CD63: variants seen among roughly 807,000 people sequenced by gnomAD.
CD63 encodes CD63 antigen.
In CD63, 16 loss-of-function variants were observed where a neutral mutation model predicts 29.2. The observed-to-expected ratio is 0.55, with a 90% CI of 0.37 to 0.83. The LOEUF (loss-of-function observed/expected upper bound fraction) is 0.83, where lower values mean the gene tolerates loss of function less well. Among genes scored for constraint, CD63 ranks in the 40% least tolerant of loss-of-function variants. CD63 has a pLI of 0.00. For missense variants in CD63, 251 were observed against 297.3 expected, an observed-to-expected ratio of 0.84 and a Z score of 1.15; for synonymous variants, 118 against 111.7, an observed-to-expected ratio of 1.06 and a Z score of -0.36.
In CD63 at chr12:55,727,049, C is replaced by A; in HGVS notation, c.256-85G>T. 3.2e-6 allele frequency: 5 copies of A among 1,568,154 alleles called. No homozygotes were observed. In the South Asian group the frequency reaches 4.5e-5, roughly 14 times the overall value. ...GGCACAGCCGGTCCCTGGACACTCA[C>A]AAAGGTCTTCCTCACCCACCCACCT... is the stretch of plus-strand genomic sequence containing the variant. On this transcript the variant is annotated intron_variant, in intron 3 of 7. Coordinates refer to ENST00000257857, the MANE Select transcript of CD63 (RefSeq NM_001780.6).
At chr12:55,726,420 C>T in intron 5 of CD63, 159 bp from the exon 6 acceptor site, 4 of 676,512 alleles carry the variant, frequency 5.9e-6, no homozygotes, top group African/African-American at 3.8e-5. Flanking sequence ...TCTCGGCTCA[C>T]TGCAACCTCC....
chr12:55,726,422 G>A (rs1877368584), intron 5 of CD63, 161 bp from the exon 6 acceptor site: 4 of 660,510 alleles, frequency 6.1e-6, no homozygotes, highest in Non-Finnish European at 9.7e-6. Context: ...TCGGCTCACT[G>A]CAACCTCCGC....
intron 2 of CD63, chr12:55,727,571 A>T: frequency 7.8e-7 from 1 of 1,277,472 alleles, no homozygotes. Flanking sequence ...AAATTCAAAA[A>T]CCTCCCAGAA....
chr12:55,728,576 G>A lies in CD63; in HGVS notation c.-11-224C>T. ...CCGGACCCCGCCCCGCCGCCTCTGGGGCCCAGGACAGATCCAAGGGCGCCG... is the reference window on the plus strand; with the variant it reads ...CCGGACCCCGCCCCGCCGCCTCTGGAGCCCAGGACAGATCCAAGGGCGCCG... On this transcript the variant is annotated intron_variant, in intron 1 of 7. Transcript: ENST00000257857. The surrounding 1 kb of genome is among the most constrained non-coding windows in gnomAD (Gnocchi z 4.8). 7.1e-7 allele frequency: 1 copy of A among 1,404,196 alleles called. No individual in the cohort carries two copies. Among genetic ancestry groups the A allele is most frequent in the African/African-American group, 1.5e-5 (1 of 68,616 alleles). The allele number at this position is 1,404,196 out of a possible 1,614,324, so 87.0% of individuals were successfully genotyped here.
Position 55,726,793 on chromosome 12 carries a change from C to T in CD63, c.333G>A (p.Val111=), listed in dbSNP as rs760344386. 1 of 1,613,252 alleles carries T rather than the reference C, an allele frequency of 6.2e-7. No individual in the cohort carries two copies. Among genetic ancestry groups the T allele is most frequent in the Non-Finnish European group, 8.5e-7 (1 of 1,179,168 alleles). Residue 111 remains valine, a splice_region_variant and synonymous_variant, in exon 5 of 8, where the codon GTG becomes GTA. Transcript: ENST00000257857. Reference sequence around the variant, plus strand: ...GGAAGTTGTTATTAAACTCTGACATCACCTGAGAGTACGGAGGAGCACTGT... The same window carrying T: ...GGAAGTTGTTATTAAACTCTGACATTACCTGAGAGTACGGAGGAGCACTGT... ...AIAGYVFRDK[V]MSEFNNNFRQ...
rs994190722 is a variant in CD63, at chr12:55,726,769, G to A, written c.357C>T (p.Phe119=). 6.2e-7 allele frequency: 1 copy of A among 1,613,938 alleles called. No individual in the cohort carries two copies. The highest frequency in any genetic ancestry group is 8.5e-7 in the Non-Finnish European group (1 of 1,179,966). ...DKVMSEFNNN[F]RQQMENYPKN... ...TCGGGTAATTCTCCATCTGCTGCCG[G>A]AAGTTGTTATTAAACTCTGACATCA... Residue 119 remains phenylalanine (F), a synonymous_variant, in exon 5 of 8, where the codon TTC becomes TTT. Coordinates refer to ENST00000257857, the MANE Select transcript of CD63 (RefSeq NM_001780.6).
rs950898505 is a variant in CD63 at position 55,727,737 on chromosome 12, G to C, written c.67-398C>G. Reference sequence around the variant, plus strand: ...GCTGTGACTAAGGTTCCTCTGGCCAGTTAGGCCAGGAGAAGGGAAGAGGAA... The same window carrying C: ...GCTGTGACTAAGGTTCCTCTGGCCACTTAGGCCAGGAGAAGGGAAGAGGAA... On this transcript the variant is annotated intron_variant, in intron 2 of 7. Coordinates refer to ENST00000257857, the MANE Select transcript of CD63 (RefSeq NM_001780.6). 13 of 1,035,328 alleles carry C rather than the reference G, an allele frequency of 1.3e-5. No individual in the cohort carries two copies. In the Admixed American group the frequency reaches 5.1e-4, roughly 41 times the overall value. 64.1% of individuals were successfully genotyped at this position (1,035,328 alleles called of 1,614,324 possible).
Position 55,726,746 on chromosome 12 carries a change from G to C in CD63, c.380C>G (p.Pro127Arg), listed in dbSNP as rs781725798. Residue 127 changes from proline (P) to arginine (R), a missense_variant, in exon 5 of 8, where the codon CCG (proline) becomes CGG (arginine). Transcript: ENST00000257857. ...NNFRQQMENY[P>R]KNNHTASILD... is the part of the protein sequence containing the mutation. ...GATCGAAGCAGTGTGGTTGTTTTTC[G>C]GGTAATTCTCCATCTGCTGCCGGAA... 1.2e-6 allele frequency: 2 copies of C among 1,614,036 alleles called. No individual in the cohort carries two copies. The highest frequency in any genetic ancestry group is 1.3e-5 in the African/African-American group (1 of 74,998).
chr12:55,726,400 G>C, intron 5 of CD63, 139 bp from the exon 6 acceptor site: 1 of 806,078 alleles, frequency 1.2e-6, no homozygotes. Context: ...AGTGCCCAGC[G>C]GTGGCTCAAT....
intron 6 of CD63, 88 bp downstream of exon 6, chr12:55,726,033 C>T: frequency 6.5e-6 from 10 of 1,538,684 alleles, no homozygotes; most frequent in Non-Finnish European, 8.1e-6. Flanking sequence ...CCTCCCCATC[C>T]CTGACCCTGT....
rs749396682 is a variant in CD63, at chr12:55,727,258, CA to C, written c.147del (p.Gly50AlafsTer34). On this transcript the variant is annotated frameshift_variant, in exon 3 of 8. Transcript: ENST00000257857. LOFTEE classifies it high-confidence loss of function. ...LSQTIIQGAT[P>X]GSLLPVVIIA... The stretch of plus-strand genomic sequence containing the variant: ...ATGATGACCACTGGCAACAGAGAGC[CA>C]GGGGTAGCCCCCTGGATTATGGTCT... 1.1e-5 allele frequency: 17 copies of C among 1,613,892 alleles called. No homozygotes were observed. The highest frequency in any genetic ancestry group is 1.4e-5 in the Non-Finnish European group (17 of 1,180,008).
chr12:55,729,707 C>A (rs1877788475), upstream of CD63: 2 of 152,388 alleles, frequency 1.3e-5, no homozygotes, highest in Non-Finnish European at 2.9e-5. Context: ...CCCGAAGCCA[C>A]GCTACCCAGT....
chr12:55,729,402 G>A (rs574051616), upstream of CD63: 51 of 153,260 alleles, frequency 3.3e-4, no homozygotes, highest in Non-Finnish European at 5.4e-4. Context: ...AGCTGAGGCC[G>A]GGTGACAATG....
In CD63 at chr12:55,728,486, C is replaced by T. The variant is rs1877669376; in HGVS notation, c.-11-134G>A. 3 of 1,488,062 alleles carry T rather than the reference C, an allele frequency of 2.0e-6. No homozygotes were observed. Among genetic ancestry groups the T allele is most frequent in the African/African-American group, 2.8e-5 (2 of 71,960 alleles). The allele number at this position is 1,488,062 out of a possible 1,614,324, so 92.2% of individuals were successfully genotyped here. ...CCCCTCCCACCCGGAAACCCGCGGT[C>T]GGATCCACGTCTCCCAGCCCCCTCT... On this transcript the variant is annotated intron_variant, in intron 1 of 7. Transcript: ENST00000257857. This position sits in a 1 kb window ranked among gnomAD's most constrained non-coding sequence, Gnocchi z 4.8.
chr12:55,724,333 C>G (rs903282271), downstream of CD63: 1 of 1,614,176 alleles, frequency 6.2e-7, no homozygotes, highest in East Asian at 2.2e-5. Flanking sequence ...CCTGAAAATG[C>G]AACAGCGCAT....
Position 55,729,000 on chromosome 12 carries a change from G to T in CD63, c.-59C>A. The T allele has an allele frequency of 1.0e-6, 1 of 985,360 alleles. No homozygotes were observed. Among genetic ancestry groups the T allele is most frequent in the Non-Finnish European group, 1.2e-6 (1 of 830,022 alleles). The allele number at this position is 985,360 out of a possible 1,614,324, so 61.0% of individuals were successfully genotyped here. A position where few individuals can be genotyped will look rare whatever the true frequency, so the allele number is the denominator to read the frequency against. ...CGCGTTCCTCTCCCGCCGCGGCTCC[G>T]GGGCTCTCTAGCTGCGCCCCCCGGC... On this transcript the variant is annotated 5_prime_UTR_variant, in exon 1 of 8. Transcript: ENST00000257857. This position sits in a 1 kb window ranked among gnomAD's most constrained non-coding sequence, Gnocchi z 4.8.
chr12:55,725,670 G>A, intron 7 of CD63, 44 bp from the exon 8 acceptor site: 2 of 1,580,576 alleles, frequency 1.3e-6, no homozygotes, highest in Non-Finnish European at 1.7e-6. Flanking sequence ...AGTCAGAAGG[G>A]CTAGCTACCT....
chr12:55,725,824 C>G lies in CD63; in HGVS notation c.640G>C (p.Ala214Pro). 6.2e-7 allele frequency: 1 copy of G among 1,614,080 alleles called. No homozygotes were observed. Among genetic ancestry groups the G allele is most frequent in the Non-Finnish European group, 8.5e-7 (1 of 1,179,966 alleles). ...GGGTTATCTCTTACCTCGACAAAAGCAATTCCAAGGGCTGCTGCAGCTACC... is the reference window on the plus strand; with the variant it reads ...GGGTTATCTCTTACCTCGACAAAAGGAATTCCAAGGGCTGCTGCAGCTACC... ...LVVAAAALGI[A>P]FVEVLGIVFA... Residue 214 changes from alanine (A) to proline (P), a missense_variant, in exon 7 of 8, where the codon GCT (alanine) becomes CCT (proline). Transcript: ENST00000257857.
intron 5 of CD63, 81 bp downstream of exon 5, chr12:55,726,619 A>G: frequency 8.9e-7 from 1 of 1,121,708 alleles, no homozygotes; most frequent in South Asian, 1.3e-5. Context: ...TGCTGAGATT[A>G]CAGGCGTGAG....
Sources: gnomAD v4.1 joint callset for allele counts on GRCh38, gnomAD v4.1.1 for gene constraint, Gnocchi (gnomAD v3.1) non-coding constraint, MANE v1.5 for transcripts, NCBI Gene and HGNC (gene_info 2026-07-23, HGNC 2026-07-21) for gene names.